PRDM5: variants seen among roughly 807,000 people sequenced by gnomAD.
PRDM5 encodes PR/SET domain 5.
A neutral mutation model predicts 81.2 loss-of-function variants in PRDM5; 56 were observed. The observed-to-expected ratio is 0.69, with a 90% CI of 0.56 to 0.86. PRDM5 has a LOEUF of 0.86. PRDM5 is among the 40% of genes least tolerant of loss of function. The pLI, the probability that PRDM5 is intolerant of heterozygous loss-of-function variation, is 0.00. For synonymous variants in PRDM5, 267 were observed against 256.4 expected, an observed-to-expected ratio of 1.04 and a Z score of -0.39; for missense variants, 697 against 770.1, an observed-to-expected ratio of 0.91 and a Z score of 1.12.
chr4:120,691,709 G>A (rs949667152), downstream of PRDM5, among the ~76,000 whole-genome samples: 10 of 151,938 alleles, frequency 6.6e-5, no homozygotes, highest in African/African-American at 2.4e-4. Flanking sequence ...ATCTCTTATA[G>A]CCCTGAGACC....
chr4:120,861,160 A>G (rs1180951951), intron 2 of PRDM5, among the ~76,000 whole-genome samples: 1 of 152,046 alleles, frequency 6.6e-6, no homozygotes, highest in Non-Finnish European at 1.5e-5. Context: ...GATGTGTACC[A>G]CTTCACATGG....
intron 14 of PRDM5, among the ~76,000 whole-genome samples, chr4:120,734,748 T>C (rs1258076044): frequency 6.6e-6 from 1 of 152,156 alleles, no homozygotes; most frequent in Non-Finnish European, 1.5e-5. Context: ...CACATAGATG[T>C]CTCCAGTGTA....
chr4:120,866,035 T>A (rs995040157), intron 2 of PRDM5, among the ~76,000 whole-genome samples: 2 of 152,238 alleles, frequency 1.3e-5, no homozygotes, highest in Non-Finnish European at 2.9e-5. Context: ...TCAAAATCTA[T>A]CTTCGAATTC....
intron 9 of PRDM5, among the ~76,000 whole-genome samples, chr4:120,798,945 G>C (rs1751724005): frequency 6.6e-6 from 1 of 152,090 alleles, no homozygotes; most frequent in African/African-American, 2.4e-5. Context: ...ATCAAATAAA[G>C]CATACCTAAA....
At chr4:120,826,475 T>G (rs55866968) in intron 3 of PRDM5, among the ~76,000 whole-genome samples, 1,846 of 152,272 alleles carry the variant, frequency 0.012, 36 homozygotes, top group African/African-American at 0.042. Context: ...TTAATTCATG[T>G]GATCAATGAA....
At chr4:120,792,425 C>T (rs1370218328) in intron 10 of PRDM5, among the ~76,000 whole-genome samples, 2 of 152,114 alleles carry the variant, frequency 1.3e-5, no homozygotes, top group Non-Finnish European at 2.9e-5. Context: ...AAGATATCTA[C>T]TAAAACAGCA....
chr4:120,822,943 G>A (rs1206250522), intron 3 of PRDM5, among the ~76,000 whole-genome samples: 2 of 152,062 alleles, frequency 1.3e-5, no homozygotes, highest in African/African-American at 4.8e-5. Flanking sequence ...TAAGATCACT[G>A]AATTAACTTA....
intron 1 of PRDM5, among the ~76,000 whole-genome samples, chr4:120,912,062 G>A (rs11942376): frequency 0.083 from 12,607 of 152,072 alleles, 545 homozygotes; most frequent in East Asian, 0.15. Flanking sequence ...TTGAGTTAGC[G>A]AATCACCATT....
At chr4:120,893,188 C>T (rs1386139032) in intron 2 of PRDM5, among the ~76,000 whole-genome samples, 1 of 152,222 alleles carries the variant, frequency 6.6e-6, no homozygotes, top group Admixed American at 6.5e-5. Context: ...CGTTTCCAGT[C>T]TTGCAGAGGT....
At chr4:120,826,509 C>T (rs1228769589) in intron 3 of PRDM5, among the ~76,000 whole-genome samples, 1 of 151,996 alleles carries the variant, frequency 6.6e-6, no homozygotes, top group Non-Finnish European at 1.5e-5. Context: ...TTGCTTTTAC[C>T]TCCCCAAAAG....
chr4:120,856,776 A>G (rs192472392), intron 2 of PRDM5, among the ~76,000 whole-genome samples: 1 of 152,366 alleles, frequency 6.6e-6, no homozygotes, highest in East Asian at 1.9e-4. Context: ...GGAATAAAAA[A>G]GACTGAAAAT....
chr4:120,849,271 C>G (rs918327336), intron 3 of PRDM5, among the ~76,000 whole-genome samples: 32 of 152,148 alleles, frequency 2.1e-4, no homozygotes, highest in Admixed American at 2.0e-3. Flanking sequence ...TTTTCCAGCT[C>G]TGTCATATTT....
chr4:120,821,443 GAA>G, intron 3 of PRDM5, 98 bp from the exon 4 acceptor site: 1 of 1,189,768 alleles, frequency 8.4e-7, no homozygotes, highest in Non-Finnish European at 1.2e-6. Context: ...ATGTGTGCAT[GAA>G]AAGTTATTAC....
At chr4:120,826,150 C>T (rs960338407) in intron 3 of PRDM5, among the ~76,000 whole-genome samples, 3 of 152,094 alleles carry the variant, frequency 2.0e-5, no homozygotes, top group Admixed American at 1.3e-4. Flanking sequence ...AAGTGAACTC[C>T]CATCATCTGA....
chr4:120,821,947 G>GAAAAAAAA (rs1245354169), intron 3 of PRDM5, among the ~76,000 whole-genome samples: 1 of 92,426 alleles, frequency 1.1e-5, no homozygotes, highest in Admixed American at 1.1e-4. Context: ...ACGAGAAAAA[G>GAAAAAAAA]AAAAAAAAAA....
intron 10 of PRDM5, among the ~76,000 whole-genome samples, chr4:120,788,210 T>A (rs934199631): frequency 6.6e-6 from 1 of 152,170 alleles, no homozygotes; most frequent in Non-Finnish European, 1.5e-5. Flanking sequence ...CATAAAAAGA[T>A]ATAAACCTGG....
chr4:120,707,804 A>C (rs1376903420), intron 15 of PRDM5, among the ~76,000 whole-genome samples: 1 of 152,116 alleles, frequency 6.6e-6, no homozygotes, highest in East Asian at 1.9e-4. Flanking sequence ...CTAATATCCA[A>C]TATTTAAAAC....
intron 1 of PRDM5, among the ~76,000 whole-genome samples, chr4:120,912,981 G>T (rs951125485): frequency 7.2e-5 from 11 of 152,136 alleles, no homozygotes; most frequent in African/African-American, 1.9e-4. Context: ...TATTAAATGT[G>T]TTTCTTAAAA....
intron 3 of PRDM5, chr4:120,838,152 A>T (rs1014378216): frequency 2.0e-5 from 3 of 152,202 alleles, no homozygotes; most frequent in African/African-American, 7.2e-5. Context: ...CCAGTTTTAC[A>T]ACCCCTCTTC....
Sources: allele counts gnomAD v4.1 joint callset (sites outside exome capture counted in the v4.1 genomes callset), GRCh38; gene constraint gnomAD v4.1.1; transcripts MANE v1.5; gene names NCBI Gene and HGNC (gene_info 2026-07-23, HGNC 2026-07-21).